Variants in SIPA1L2 observed in about 807,000 individuals in gnomAD.
SIPA1L2 encodes the protein signal induced proliferation associated 1 like 2.
A neutral mutation model predicts 163.9 loss-of-function variants in SIPA1L2; 56 were observed. The observed-to-expected ratio is 0.34, with a 90% CI of 0.28 to 0.43. The LOEUF (loss-of-function observed/expected upper bound fraction) is 0.43, where lower values mean the gene tolerates loss of function less well. SIPA1L2 is among the 20% of genes least tolerant of loss of function. SIPA1L2 has a pLI of 1.00. For synonymous variants in SIPA1L2, 877 were observed against 865.7 expected, an observed-to-expected ratio of 1.01 and a Z score of -0.23; for missense variants, 1,974 against 2,193.5, an observed-to-expected ratio of 0.90 and a Z score of 2.00.
chr1:232,445,610 G>A lies in SIPA1L2; in HGVS notation c.3272C>T (p.Pro1091Leu), dbSNP rs763042897. ...SPIPGTPDRL[P>L]CQQLLQQAQA... ...GGCCTGCTGGAGCAGCTGTTGGCAC[G>A]GCAGCCGGTCGGGCGTGCCGGGGAT... Residue 1091 changes from proline (P) to leucine (L), a missense_variant, in exon 11 of 23, where the codon CCG (proline) becomes CTG (leucine). Pro to Leu is a moderately conservative substitution (Grantham distance 98). This residue lies in a region of SIPA1L2 where 1,079 missense variants were observed against 1,150.7 expected (regional missense o/e 0.94). Transcript: ENST00000674635. 7 of 1,613,826 alleles carry A rather than the reference G, an allele frequency of 4.3e-6. No individual in the cohort carries two copies. The highest frequency in any genetic ancestry group is 1.3e-5 in the African/African-American group (1 of 75,040).
chr1:232,478,449 G>A (rs1322833266), intron 7 of SIPA1L2, among the ~76,000 whole-genome samples: 1 of 152,174 alleles, frequency 6.6e-6, no homozygotes, highest in Non-Finnish European at 1.5e-5. Flanking sequence ...TGGGAGAAGG[G>A]GAGGTAGTTG....
chr1:232,629,767 C>A (rs1402956079), intron 1 of SIPA1L2, among the ~76,000 whole-genome samples, 102 bp downstream of exon 1: 13 of 151,990 alleles, frequency 8.6e-5, no homozygotes, highest in African/African-American at 2.9e-4. Flanking sequence ...CCCCAAAGCG[C>A]CCCGAAGGGC....
intron 17 of SIPA1L2, among the ~76,000 whole-genome samples, chr1:232,426,546 G>A (rs1661915942): frequency 6.6e-6 from 1 of 152,188 alleles, no homozygotes. Context: ...TGTAGTCCCA[G>A]CCACTAGGGA....
In SIPA1L2 at chr1:232,483,886, C is replaced by T. The variant is rs181535562; in HGVS notation, c.1887G>A (p.Thr629=). The T allele has an allele frequency of 1.7e-4, 280 of 1,614,012 alleles. 1 individual carries two copies. In the African/African-American group the frequency reaches 3.2e-3, roughly 18 times the overall value. Reference sequence around the variant, plus strand: ...GGAATTCTTCAAAAGCTGGTCCCGCCGTCTCATTGTTATACATCTCTTCCT... The same window carrying T: ...GGAATTCTTCAAAAGCTGGTCCCGCTGTCTCATTGTTATACATCTCTTCCT... ...STEEEMYNNE[T]AGPAFEEFLD... The change falls in exon 6 of 23, where the codon ACG becomes ACA. Residue 629 remains threonine, a synonymous_variant. Transcript: ENST00000674635.
At chr1:232,598,963 CAAA>C (rs3028130) in intron 1 of SIPA1L2, among the ~76,000 whole-genome samples, 1 of 123,528 alleles carries the variant, frequency 8.1e-6, no homozygotes, top group African/African-American at 3.4e-5. Context: ...CTCTACCCCT[CAAA>C]AAAAAAAAAA....
intron 18 of SIPA1L2, among the ~76,000 whole-genome samples, chr1:232,417,300 A>G (rs1349724740): frequency 6.6e-6 from 1 of 152,138 alleles, no homozygotes; most frequent in African/African-American, 2.4e-5. Context: ...CATGCTACCT[A>G]CCACCTTTAG....
intron 2 of SIPA1L2, among the ~76,000 whole-genome samples, chr1:232,565,688 A>AC (rs1168193812): frequency 6.6e-6 from 1 of 152,296 alleles, no homozygotes; most frequent in East Asian, 1.9e-4. Flanking sequence ...GAAAATTATC[A>AC]CCTTTTACTG....
chr1:232,506,722 C>T (rs941278028), intron 3 of SIPA1L2, among the ~76,000 whole-genome samples: 10 of 152,116 alleles, frequency 6.6e-5, no homozygotes, highest in Admixed American at 6.5e-4. Context: ...GGTAAGAGAG[C>T]AGTTACCAGA....
chr1:232,619,070 G>A (rs1243422996), intron 1 of SIPA1L2, among the ~76,000 whole-genome samples: 1 of 152,170 alleles, frequency 6.6e-6, no homozygotes. Flanking sequence ...CAGGCAAAAA[G>A]ATGAGTTTGT....
chr1:232,596,602 A>G (rs1661265225), intron 1 of SIPA1L2, among the ~76,000 whole-genome samples: 1 of 152,252 alleles, frequency 6.6e-6, no homozygotes, highest in Non-Finnish European at 1.5e-5. Flanking sequence ...TATATTCTAA[A>G]TATCAATGTT....
In SIPA1L2 at chr1:232,572,764, TATATATATA is replaced by T. The variant is rs1659856421; in HGVS notation, c.-270+1401_-270+1409del. Among the ~76,000 whole-genome samples the T allele has an allele frequency of 2.3e-4, 21 of 90,462 alleles. No homozygotes were observed. The East Asian group carries it at 4.3e-3, about 19-fold the overall frequency. 59.3% of individuals were successfully genotyped at this position (90,462 alleles called of 152,430 possible). A position where few individuals can be genotyped will look rare whatever the true frequency, so the allele number is the denominator to read the frequency against. The stretch of plus-strand genomic sequence containing the variant: ...ATATATATATATATATATATATATA[TATATATATA>T]TATATATTTATTTATTTATTTTTTC... On this transcript the variant is annotated intron_variant, in intron 2 of 22. Transcript: ENST00000674635.
intron 6 of SIPA1L2, among the ~76,000 whole-genome samples, chr1:232,481,805 A>G (rs929431147): frequency 6.6e-6 from 1 of 152,190 alleles, no homozygotes; most frequent in Non-Finnish European, 1.5e-5. Flanking sequence ...TCAAGAGAGA[A>G]AACCCATTTC....
At chr1:232,495,448 C>T (rs566813648) in intron 3 of SIPA1L2, among the ~76,000 whole-genome samples, 122 of 151,818 alleles carry the variant, frequency 8.0e-4, no homozygotes, top group South Asian at 1.7e-3. Flanking sequence ...GCCTATAGTC[C>T]CAGCTACTCG....
intron 3 of SIPA1L2, among the ~76,000 whole-genome samples, chr1:232,501,378 G>A (rs1244094220): frequency 6.6e-6 from 1 of 152,062 alleles, no homozygotes; most frequent in Non-Finnish European, 1.5e-5. Context: ...ATATTGATGT[G>A]GTCTGACACT....
At chr1:232,427,300 A>T (rs1201609195) in intron 17 of SIPA1L2, among the ~76,000 whole-genome samples, 8 of 152,346 alleles carry the variant, frequency 5.3e-5, no homozygotes, top group Non-Finnish European at 2.9e-5. Flanking sequence ...TCAGAACTTG[A>T]TTACAGGCAT....
intron 22 of SIPA1L2, among the ~76,000 whole-genome samples, chr1:232,399,883 A>C (rs1271641259): frequency 6.6e-6 from 1 of 152,174 alleles, no homozygotes; most frequent in Non-Finnish European, 1.5e-5. Flanking sequence ...CTTGCCCTAA[A>C]TGAATAGAGG....
chr1:232,593,726 C>CAA (rs1413640668), intron 1 of SIPA1L2, among the ~76,000 whole-genome samples: 4 of 152,060 alleles, frequency 2.6e-5, no homozygotes, highest in African/African-American at 9.7e-5. Flanking sequence ...AACACACACG[C>CAA]ACACACAAAA....
intron 3 of SIPA1L2, among the ~76,000 whole-genome samples, chr1:232,496,458 T>C (rs1478670396): frequency 6.6e-6 from 1 of 151,848 alleles, no homozygotes; most frequent in African/African-American, 2.4e-5. Context: ...TATTGTGTAC[T>C]GATAATGGCT....
intron 10 of SIPA1L2, among the ~76,000 whole-genome samples, chr1:232,460,429 A>G (rs575834941): frequency 6.6e-6 from 1 of 152,296 alleles, no homozygotes; most frequent in Admixed American, 6.5e-5. Context: ...CTGTTCCAAC[A>G]TTCTTTCATA....
Sources: allele counts gnomAD v4.1 joint callset (sites outside exome capture counted in the v4.1 genomes callset), GRCh38; gene constraint gnomAD v4.1.1; regional missense constraint gnomAD v4.1.1; transcripts MANE v1.5; gene names NCBI Gene and HGNC (gene_info 2026-07-23, HGNC 2026-07-21).